Variants in ERRFI1 observed in about 807,000 individuals in gnomAD.
ERRFI1 encodes the protein mitogen-inducible gene 6 protein.
A neutral mutation model predicts 14.6 loss-of-function variants in ERRFI1; 12 were observed. The ratio of observed to expected loss-of-function variants is 0.82; its 90% CI spans 0.53 to 1.33. The LOEUF (loss-of-function observed/expected upper bound fraction) is 1.33. Among genes scored for constraint, ERRFI1 ranks in the 40% most tolerant of loss-of-function variants. ERRFI1 has a pLI of 0.00. For missense variants in ERRFI1, 482 were observed against 572.1 expected, an observed-to-expected ratio of 0.84 and a Z score of 1.61; for synonymous variants, 202 against 209.9, an observed-to-expected ratio of 0.96 and a Z score of 0.32.
chr1:8,018,845 A>G (rs1371264046), intron 1 of ERRFI1, among the ~76,000 whole-genome samples: 1 of 152,220 alleles, frequency 6.6e-6, no homozygotes, highest in Non-Finnish European at 1.5e-5. Flanking sequence ...CAACTCATAG[A>G]CAGCTCCTGA....
Position 8,014,022 on chromosome 1 carries a change from A to G in ERRFI1, c.577T>C (p.Tyr193His), listed in dbSNP as rs759296814. ...LEDSTLSDFK[Y>H]DVPGRRSFRG... The stretch of plus-strand genomic sequence containing the variant: ...AAGCTTCGCCTGCCAGGAACATCAT[A>G]TTTGAAATCAGAAAGTGTAGAGTCT... The change falls in exon 4 of 4, where the codon TAT becomes CAT. Residue 193 changes from tyrosine to histidine, a missense_variant. Tyr to His is a moderately conservative substitution (Grantham distance 83). Coordinates refer to ENST00000377482, the MANE Select transcript of ERRFI1 (RefSeq NM_018948.4). 6.2e-7 allele frequency: 1 copy of G among 1,614,122 alleles called. No homozygotes were observed. The highest frequency in any genetic ancestry group is 8.5e-7 in the Non-Finnish European group (1 of 1,180,024).
chr1:8,024,565 A>G (rs1041956947), intron 1 of ERRFI1, among the ~76,000 whole-genome samples: 1 of 152,206 alleles, frequency 6.6e-6, no homozygotes, highest in Non-Finnish European at 1.5e-5. Flanking sequence ...ACAATCTAAT[A>G]TATCTGTCAG....
intron 3 of ERRFI1, chr1:8,014,804 T>C (rs1401249021): frequency 2.4e-5 from 5 of 211,344 alleles, no homozygotes; most frequent in Non-Finnish European, 3.8e-5. Context: ...AAAGTCCTTA[T>C]TGCTGGCACA....
At chr1:8,019,747 G>A (rs1325603299) in intron 1 of ERRFI1, among the ~76,000 whole-genome samples, 3 of 152,172 alleles carry the variant, frequency 2.0e-5, no homozygotes, top group African/African-American at 4.8e-5. Flanking sequence ...TATGTAACAG[G>A]AAGGAATTTT....
rs1255700228 is a variant in ERRFI1, at chr1:8,014,036, A to C, written c.563T>G (p.Leu188Arg). The C allele has an allele frequency of 1.2e-5, 20 of 1,614,186 alleles. No homozygotes were observed. Among genetic ancestry groups the C allele is most frequent in the Non-Finnish European group, 1.7e-5 (20 of 1,180,040 alleles). Residue 188 changes from leucine to arginine, a missense_variant, in exon 4 of 4, where the codon CTT becomes CGT. Coordinates refer to ENST00000377482, the MANE Select transcript of ERRFI1 (RefSeq NM_018948.4). ...AGGAACATCATATTTGAAATCAGAA[A>C]GTGTAGAGTCTTCTAAAAGGAAGTC... ...DTDFLLEDST[L>R]SDFKYDVPGR...
chr1:8,022,644 T>C (rs1641289543), intron 1 of ERRFI1, among the ~76,000 whole-genome samples: 1 of 152,190 alleles, frequency 6.6e-6, no homozygotes, highest in Non-Finnish European at 1.5e-5. Context: ...GGCAACAACC[T>C]CATTTCTCCT....
At chr1:8,017,562 G>A (rs1326857079) in intron 1 of ERRFI1, among the ~76,000 whole-genome samples, 3 of 152,212 alleles carry the variant, frequency 2.0e-5, no homozygotes, top group African/African-American at 7.2e-5. Context: ...CTCTCCCTCT[G>A]TGTACTTAGC....
rs767482095 is a variant in ERRFI1, at chr1:8,014,294, T to A, written c.305A>T (p.Asn102Ile). The A allele has an allele frequency of 6.2e-7, 1 of 1,614,044 alleles. No homozygotes were observed. Among genetic ancestry groups the A allele is most frequent in the South Asian group, 1.1e-5 (1 of 91,058 alleles). The stretch of plus-strand genomic sequence containing the variant: ...TTGATCCTCTTCATGTGGTCCCAAG[T>A]TTTCACTTGGGGGAATAAGAAGAGG... ...LPPLLIPPSE[N>I]LGPHEEDQVV... The change falls in exon 4 of 4, where the codon AAC becomes ATC. Residue 102 changes from asparagine (N) to isoleucine (I), a missense_variant. Asn to Ile is a moderately radical substitution (Grantham distance 149). Transcript: ENST00000377482.
At position 8,012,268 on chromosome 1, in the gene ERRFI1, A is replaced by T. The variant is rs1472390162; in HGVS notation, c.*942T>A. On this transcript the variant is annotated 3_prime_UTR_variant, in exon 4 of 4. Transcript: ENST00000377482. ...ATGTTTATTAATACAGTCTAAAAAA[A>T]AAAAGCAAAACCACAACACACATCC... is the stretch of plus-strand genomic sequence containing the variant. 1 of 231,502 alleles carries T rather than the reference A, an allele frequency of 4.3e-6. No homozygotes were observed. The highest frequency in any genetic ancestry group is 8.6e-6 in the Non-Finnish European group (1 of 116,720). 14.3% of individuals were successfully genotyped at this position (231,502 alleles called of 1,614,324 possible).
rs1197533835 is a variant in ERRFI1 at position 8,011,774 on chromosome 1, A to C, written c.*1436T>G. On this transcript the variant is annotated 3_prime_UTR_variant, in exon 4 of 4. Transcript: ENST00000377482. ...TATTAAAATGAAAAGACAATATTCAAAATAATGCAACAAAATGAATAAAAT... is the reference window on the plus strand; with the variant it reads ...TATTAAAATGAAAAGACAATATTCACAATAATGCAACAAAATGAATAAAAT... 1.0e-5 allele frequency: 2 copies of C among 199,922 alleles called. No individual in the cohort carries two copies. Among genetic ancestry groups the C allele is most frequent in the Non-Finnish European group, 1.0e-5 (1 of 96,494 alleles). 12.4% of individuals were successfully genotyped at this position (199,922 alleles called of 1,614,324 possible).
intron 1 of ERRFI1, among the ~76,000 whole-genome samples, chr1:8,021,929 T>C (rs186853453): frequency 3.4e-4 from 52 of 152,346 alleles, no homozygotes; most frequent in African/African-American, 1.2e-3. Context: ...CTTTTTAAAC[T>C]GGCGAAGTAG....
In ERRFI1 at chr1:8,014,305, G is replaced by T. The variant is rs577061971; in HGVS notation, c.294C>A (p.Pro98=). The T allele has an allele frequency of 8.1e-6, 13 of 1,613,882 alleles. No homozygotes were observed. The East Asian group carries it at 1.3e-4, about 17-fold the overall frequency. The change falls in exon 4 of 4, where the codon CCC becomes CCA. Residue 98 remains proline, a synonymous_variant. Transcript: ENST00000377482. ...CATGTGGTCCCAAGTTTTCACTTGG[G>T]GGAATAAGAAGAGGGGGCAAGCTGG... ...QKSSLPPLLI[P]PSENLGPHEE...
chr1:8,014,507 C>T (rs545483709), intron 3 of ERRFI1, 111 bp from the exon 4 acceptor site: 3 of 1,034,598 alleles, frequency 2.9e-6, no homozygotes, highest in African/African-American at 3.2e-5. Context: ...CTGAGTGAAA[C>T]ACTTGACTGC....
At chr1:8,025,329 TA>T (rs1212602924) in intron 1 of ERRFI1, among the ~76,000 whole-genome samples, 1 of 152,204 alleles carries the variant, frequency 6.6e-6, no homozygotes, top group Non-Finnish European at 1.5e-5. Flanking sequence ...GATATACATA[TA>T]AATACACACA....
chr1:8,021,532 A>G (rs1641274021), intron 1 of ERRFI1, among the ~76,000 whole-genome samples: 1 of 152,244 alleles, frequency 6.6e-6, no homozygotes, highest in Non-Finnish European at 1.5e-5. Context: ...ATTCTAATCT[A>G]AAGACAACGA....
intron 1 of ERRFI1, among the ~76,000 whole-genome samples, chr1:8,017,335 A>AT (rs1244432047): frequency 6.6e-6 from 1 of 152,164 alleles, no homozygotes; most frequent in Admixed American, 6.5e-5. Flanking sequence ...CCAGGCAGAG[A>AT]TTTTATGATA....
At chr1:8,022,781 C>A (rs1641291188) in intron 1 of ERRFI1, among the ~76,000 whole-genome samples, 1 of 152,164 alleles carries the variant, frequency 6.6e-6, no homozygotes, top group South Asian at 2.1e-4. Context: ...TCATTCAGCT[C>A]AAAAATTCTT....
intron 1 of ERRFI1, among the ~76,000 whole-genome samples, chr1:8,022,224 T>C (rs1273670130): frequency 6.6e-6 from 1 of 152,144 alleles, no homozygotes; most frequent in East Asian, 1.9e-4. Flanking sequence ...ACAACAGAAC[T>C]CTTTACAACA....
chr1:8,018,632 A>G (rs1016333653), intron 1 of ERRFI1, among the ~76,000 whole-genome samples: 33 of 152,180 alleles, frequency 2.2e-4, no homozygotes, highest in African/African-American at 7.7e-4. Flanking sequence ...CGGGGACCCA[A>G]ATAACCTTCA....
Sources: gnomAD v4.1 joint callset for allele counts (sites outside exome capture counted in the v4.1 genomes callset) on GRCh38, gnomAD v4.1.1 for gene constraint, MANE v1.5 for transcripts, NCBI Gene and HGNC (gene_info 2026-07-23, HGNC 2026-07-21) for gene names.